NOL4: variants seen among roughly 807,000 people sequenced by gnomAD.
NOL4 encodes the protein cancer/testis antigen 125.
A neutral mutation model predicts 75.9 loss-of-function variants in NOL4; 17 were observed. That is an observed-to-expected ratio of 0.22 (90% CI 0.15 to 0.34). The LOEUF (loss-of-function observed/expected upper bound fraction) is 0.34. NOL4 is among the 10% of genes least tolerant of loss of function. NOL4 has a pLI of 1.00. For synonymous variants in NOL4, 292 were observed against 289.9 expected (o/e 1.01, Z -0.07); for missense variants, 614 against 793.5 (o/e 0.77, Z 2.72).
At chr18:34,133,563 C>A (rs1342016208) in intron 1 of NOL4, among the ~76,000 whole-genome samples, 1 of 151,770 alleles carries the variant, frequency 6.6e-6, no homozygotes, top group Non-Finnish European at 1.5e-5. Flanking sequence ...CTGGATAAAA[C>A]AATAGGTAAT....
intron 1 of NOL4, among the ~76,000 whole-genome samples, chr18:34,215,586 A>C (rs1444280269): frequency 1.3e-5 from 2 of 152,190 alleles, no homozygotes; most frequent in East Asian, 1.9e-4. Context: ...GCTGCTATCC[A>C]TGGAGAGAGG....
chr18:33,991,949 T>C (rs1312289645), intron 6 of NOL4, among the ~76,000 whole-genome samples: 2 of 148,110 alleles, frequency 1.4e-5, no homozygotes, highest in African/African-American at 2.6e-5. Flanking sequence ...TTTTGTACTT[T>C]TGATATATCT....
In NOL4 at chr18:34,130,010, C is replaced by G. The variant is rs778513388; in HGVS notation, c.275G>C (p.Gly92Ala). 4 of 1,560,872 alleles carry G rather than the reference C, an allele frequency of 2.6e-6. No individual in the cohort carries two copies. Among genetic ancestry groups the G allele is most frequent in the Non-Finnish European group, 2.6e-6 (3 of 1,154,910 alleles). ...TCGTAAAGATAGCTTCTCATCTACC[C>G]CTACGCCATCCTGGAAACAAAACAA... ...YVPVKTTDGV[G>A]VDEKLSLRRV... Residue 92 changes from glycine to alanine, a missense_variant, in exon 2 of 11, where the codon GGG becomes GCG. Gly to Ala is a moderately conservative substitution (Grantham distance 60, BLOSUM62 0). Around this residue, in one of 9 missense-constraint regions of NOL4, gnomAD observed 49 missense variants for 39.6 expected, o/e 1.24. Coordinates refer to ENST00000261592, the MANE Select transcript of NOL4 (RefSeq NM_003787.5).
chr18:34,194,426 G>GGGAAGGAGGGAAGGAAGGAA (rs2035159474), intron 1 of NOL4, among the ~76,000 whole-genome samples: 1 of 127,996 alleles, frequency 7.8e-6, no homozygotes, highest in African/African-American at 3.0e-5. Context: ...GAGGGAGGGA[G>GGGAAGGAGGGAAGGAAGGAA]GGAAGGAAGG....
At chr18:33,894,761 G>T (rs2065297871) in intron 9 of NOL4, among the ~76,000 whole-genome samples, 1 of 152,074 alleles carries the variant, frequency 6.6e-6, no homozygotes, top group South Asian at 2.1e-4. Flanking sequence ...TATATGTGGA[G>T]TATACTAAAG....
At chr18:33,935,700 A>G (rs998586639) in intron 9 of NOL4, among the ~76,000 whole-genome samples, 3 of 152,154 alleles carry the variant, frequency 2.0e-5, no homozygotes, top group Admixed American at 1.3e-4. Context: ...ATTGTCACAA[A>G]CCTTCAATTT....
At chr18:33,904,619 A>G (rs1251187777) in intron 9 of NOL4, among the ~76,000 whole-genome samples, 1 of 152,182 alleles carries the variant, frequency 6.6e-6, no homozygotes, top group Non-Finnish European at 1.5e-5. Context: ...CTTCACCTGA[A>G]GGTAACCATA....
intron 10 of NOL4, among the ~76,000 whole-genome samples, chr18:33,872,798 T>C (rs114487886): frequency 0.015 from 2,208 of 152,098 alleles, 48 homozygotes; most frequent in African/African-American, 0.051. Flanking sequence ...GGCACAGGCC[T>C]ACATAAAATT....
At chr18:34,216,067 G>A (rs538347498) in intron 1 of NOL4, among the ~76,000 whole-genome samples, 6 of 152,252 alleles carry the variant, frequency 3.9e-5, no homozygotes, top group African/African-American at 1.4e-4. Context: ...GACCTGTGTT[G>A]TTCAAGGATC....
At chr18:33,908,358 A>G (rs1224435753) in intron 9 of NOL4, among the ~76,000 whole-genome samples, 4 of 152,208 alleles carry the variant, frequency 2.6e-5, no homozygotes, top group Non-Finnish European at 4.4e-5. Flanking sequence ...GGATATAATC[A>G]TAGATGGTTT....
intron 10 of NOL4, among the ~76,000 whole-genome samples, chr18:33,855,249 C>T (rs530493565): frequency 2.0e-5 from 3 of 152,050 alleles, no homozygotes; most frequent in African/African-American, 4.8e-5. Context: ...ACCAAATGGC[C>T]CTCACTGATG....
chr18:33,881,052 C>T (rs1380623177), intron 10 of NOL4, among the ~76,000 whole-genome samples: 1 of 149,806 alleles, frequency 6.7e-6, no homozygotes, highest in African/African-American at 2.5e-5. Flanking sequence ...GAAAACAAAA[C>T]AAAACAAAGC....
intron 9 of NOL4, among the ~76,000 whole-genome samples, chr18:33,896,492 C>A (rs1224486307): frequency 6.6e-6 from 1 of 152,128 alleles, no homozygotes; most frequent in Non-Finnish European, 1.5e-5. Context: ...CTATGACCAT[C>A]TGATCTTCAA....
chr18:34,170,152 G>A (rs1292022670), intron 1 of NOL4, among the ~76,000 whole-genome samples: 1 of 151,354 alleles, frequency 6.6e-6, no homozygotes, highest in East Asian at 1.9e-4. Flanking sequence ...TGAATAGTCT[G>A]AATTGAGATG....
chr18:34,188,008 C>T (rs1374067959), intron 1 of NOL4, among the ~76,000 whole-genome samples: 4 of 152,110 alleles, frequency 2.6e-5, no homozygotes, highest in African/African-American at 9.7e-5. Flanking sequence ...GGATTTTCAC[C>T]ATTCTAATAG....
intron 1 of NOL4, among the ~76,000 whole-genome samples, chr18:34,203,717 T>TCTCTCTCTCTCACA (rs1261546835): frequency 3.6e-4 from 26 of 72,298 alleles, no homozygotes; most frequent in African/African-American, 1.0e-3. Flanking sequence ...TCTCTCTCTC[T>TCTCTCTCTCTCACA]CACACACACA....
intron 9 of NOL4, among the ~76,000 whole-genome samples, chr18:33,885,937 G>T (rs1340830960): frequency 6.6e-6 from 1 of 152,138 alleles, no homozygotes; most frequent in East Asian, 1.9e-4. Flanking sequence ...ATCAAAGGAT[G>T]AATGAATACA....
chr18:34,182,896 TTTG>T (rs752006811), intron 1 of NOL4, among the ~76,000 whole-genome samples: 71 of 151,788 alleles, frequency 4.7e-4, no homozygotes, highest in Non-Finnish European at 8.9e-4. Flanking sequence ...TTCTTCACAC[TTTG>T]TTAACTCAAA....
chr18:33,979,579 C>T (rs1473904837), intron 6 of NOL4, among the ~76,000 whole-genome samples: 1 of 151,642 alleles, frequency 6.6e-6, no homozygotes, highest in Admixed American at 6.6e-5. Context: ...CTCTTGGTAC[C>T]ATAAATGTTG....
Sources: gnomAD v4.1 joint callset for allele counts (sites outside exome capture counted in the v4.1 genomes callset) on GRCh38, gnomAD v4.1.1 for gene constraint, gnomAD v4.1.1 regional missense constraint, MANE v1.5 for transcripts, NCBI Gene and HGNC (gene_info 2026-07-23, HGNC 2026-07-21) for gene names.